SLC4A10: variants seen among roughly 807,000 people sequenced by gnomAD.
SLC4A10 encodes the protein sodium-driven chloride bicarbonate exchanger.
A neutral mutation model predicts 137.7 loss-of-function variants in SLC4A10; 42 were observed. That is an observed-to-expected ratio of 0.30 (90% CI 0.24 to 0.39). The LOEUF (loss-of-function observed/expected upper bound fraction) is 0.39. SLC4A10 is among the 10% of genes least tolerant of loss of function. SLC4A10 has a pLI of 1.00. For synonymous variants in SLC4A10, 474 were observed against 464.1 expected, an observed-to-expected ratio of 1.02 and a Z score of -0.27; for missense variants, 925 against 1,355.0, an observed-to-expected ratio of 0.68 and a Z score of 4.98.
At chr2:161,849,306 G>C (rs1195463976) in intron 4 of SLC4A10, among the ~76,000 whole-genome samples, 1 of 152,018 alleles carries the variant, frequency 6.6e-6, no homozygotes, top group Non-Finnish European at 1.5e-5. Context: ...CTCAAGCAGA[G>C]ATTATGGTTT....
chr2:161,957,879 T>G (rs1439626244), intron 20 of SLC4A10, among the ~76,000 whole-genome samples: 2 of 152,204 alleles, frequency 1.3e-5, no homozygotes, highest in East Asian at 3.8e-4. Context: ...TTGCCTATAA[T>G]TTGACATTTT....
chr2:161,669,744 A>G (rs745402233), intron 1 of SLC4A10, among the ~76,000 whole-genome samples: 3 of 152,040 alleles, frequency 2.0e-5, no homozygotes, highest in Non-Finnish European at 2.9e-5. Context: ...TTTGTTTTAA[A>G]GATGAGGCTT....
intron 1 of SLC4A10, among the ~76,000 whole-genome samples, chr2:161,710,304 A>C (rs1048353951): frequency 1.3e-5 from 2 of 151,712 alleles, no homozygotes; most frequent in African/African-American, 4.8e-5. Flanking sequence ...TTATGAGTAC[A>C]TTCTGTTTCT....
intron 1 of SLC4A10, among the ~76,000 whole-genome samples, chr2:161,698,540 C>A (rs1307021889): frequency 1.3e-5 from 2 of 152,106 alleles, no homozygotes; most frequent in Non-Finnish European, 2.9e-5. Context: ...TTGTCAAAGG[C>A]CTTTTCTGCA....
chr2:161,654,972 A>G (rs2037306864), intron 1 of SLC4A10, among the ~76,000 whole-genome samples: 1 of 152,152 alleles, frequency 6.6e-6, no homozygotes, highest in Non-Finnish European at 1.5e-5. Context: ...GCTAGTATGA[A>G]TATTTAAACA....
At chr2:161,837,981 C>A (rs2058922003) in intron 3 of SLC4A10, among the ~76,000 whole-genome samples, 1 of 152,124 alleles carries the variant, frequency 6.6e-6, no homozygotes, top group Non-Finnish European at 1.5e-5. Flanking sequence ...TCACTAGAAC[C>A]TAACCATGTT....
At chr2:161,645,547 T>C (rs1374890733) in intron 1 of SLC4A10, among the ~76,000 whole-genome samples, 1 of 152,214 alleles carries the variant, frequency 6.6e-6, no homozygotes, top group South Asian at 2.1e-4. Flanking sequence ...TCTAAATGCA[T>C]ATTCCTTTCT....
intron 15 of SLC4A10, among the ~76,000 whole-genome samples, chr2:161,942,122 A>G (rs540939833): frequency 1.1e-4 from 16 of 152,356 alleles, no homozygotes; most frequent in African/African-American, 3.4e-4. Flanking sequence ...ATTCGGTTCT[A>G]TAGTTCAATT....
intron 3 of SLC4A10, among the ~76,000 whole-genome samples, chr2:161,819,176 AG>A (rs755648014): frequency 1.7e-4 from 26 of 152,182 alleles, no homozygotes; most frequent in Non-Finnish European, 3.1e-4. Context: ...GTAAAAGAAT[AG>A]GCCTTTAATA....
chr2:161,879,361 G>C, intron 9 of SLC4A10, 73 bp downstream of exon 9: 1 of 1,407,278 alleles, frequency 7.1e-7, no homozygotes, highest in Non-Finnish European at 9.6e-7. Flanking sequence ...AGGATTCAAT[G>C]TAATTTTCTG....
chr2:161,669,816 G>A (rs1355862474), intron 1 of SLC4A10, among the ~76,000 whole-genome samples: 2 of 151,922 alleles, frequency 1.3e-5, no homozygotes, highest in East Asian at 1.9e-4. Context: ...ACCAATCCAG[G>A]CCTCCAATTG....
intron 1 of SLC4A10, among the ~76,000 whole-genome samples, chr2:161,674,934 T>A (rs2040122551): frequency 6.6e-6 from 1 of 152,200 alleles, no homozygotes; most frequent in Admixed American, 6.6e-5. Context: ...CCAAACACCT[T>A]TAAGCATGAC....
intron 3 of SLC4A10, among the ~76,000 whole-genome samples, chr2:161,836,538 AAGAAAG>A (rs1559358979): frequency 0.093 from 970 of 10,410 alleles, 10 homozygotes; most frequent in African/African-American, 0.16. Context: ...GAGAGAAAGA[AAGAAAG>A]AAAGAAAGAA....
intron 2 of SLC4A10, among the ~76,000 whole-genome samples, chr2:161,797,589 A>G (rs1283124898): frequency 3.3e-5 from 5 of 151,774 alleles, no homozygotes; most frequent in Non-Finnish European, 5.9e-5. Context: ...GTAAATGTCC[A>G]GGATTAAGCT....
At chr2:161,973,810 C>T (rs1376830714) in intron 23 of SLC4A10, among the ~76,000 whole-genome samples, 1 of 152,202 alleles carries the variant, frequency 6.6e-6, no homozygotes, top group Non-Finnish European at 1.5e-5. Flanking sequence ...ACAAGCCCAT[C>T]AGGGGATTCC....
intron 3 of SLC4A10, among the ~76,000 whole-genome samples, chr2:161,811,379 G>A (rs1389066975): frequency 6.6e-6 from 1 of 151,858 alleles, no homozygotes; most frequent in East Asian, 1.9e-4. Flanking sequence ...TCTGATTTTA[G>A]TAATCTCTTT....
At chr2:161,733,401 G>A (rs34306396) in intron 1 of SLC4A10, among the ~76,000 whole-genome samples, 24,830 of 152,236 alleles carry the variant, frequency 0.16, 2,611 homozygotes, top group Admixed American at 0.3. Context: ...AGCCTTGGCA[G>A]CTTCCACATG....
chr2:161,637,270 C>T (rs1156952010), intron 1 of SLC4A10, among the ~76,000 whole-genome samples: 1 of 151,650 alleles, frequency 6.6e-6, no homozygotes, highest in Non-Finnish European at 1.5e-5. Context: ...TGATTCTTGG[C>T]TCACTGCAAC....
At chr2:161,668,558 T>C (rs1285919542) in intron 1 of SLC4A10, among the ~76,000 whole-genome samples, 1 of 151,818 alleles carries the variant, frequency 6.6e-6, no homozygotes, top group Non-Finnish European at 1.5e-5. Context: ...GGACTTTAAA[T>C]ATTAGATGAT....
Sources: allele counts gnomAD v4.1 joint callset (sites outside exome capture counted in the v4.1 genomes callset), GRCh38; gene constraint gnomAD v4.1.1; transcripts MANE v1.5; gene names NCBI Gene and HGNC (gene_info 2026-07-23, HGNC 2026-07-21).